The following RSF1 variants were observed in gnomAD, a reference collection of about 807,000 sequenced individuals.
RSF1 encodes HBV pX-associated protein 8.
A neutral mutation model predicts 145.2 loss-of-function variants in RSF1; 13 were observed. The observed-to-expected ratio is 0.09, with a 90% CI of 0.06 to 0.14. RSF1 has a LOEUF of 0.14. Among genes scored for constraint, RSF1 ranks in the 10% least tolerant of loss-of-function variants. RSF1 has a pLI of 1.00. For synonymous variants in RSF1, 577 were observed against 592.6 expected (o/e 0.97, Z 0.38); for missense variants, 1,517 against 1,718.2 (o/e 0.88, Z 2.07).
Position 77,701,857 on chromosome 11 carries a change from C to T in RSF1, c.1372G>A (p.Glu458Lys), listed in dbSNP as rs1453498810. 6.2e-7 allele frequency: 1 copy of T among 1,613,982 alleles called. No individual in the cohort carries two copies. Among genetic ancestry groups the T allele is most frequent in the African/African-American group, 1.3e-5 (1 of 74,928 alleles). ...TCATAAAACTTTGTCTCTATTGGTT[C>T]TGTCTTAAAATTTGGAGCTACCCTT... is the stretch of plus-strand genomic sequence containing the variant. ...DERVAPNFKTEPIETKFYETK... is the reference protein window; with the variant it reads ...DERVAPNFKTKPIETKFYETK... Residue 458 changes from glutamate to lysine, a missense_variant, in exon 6 of 16, where the codon GAA becomes AAA. Physicochemically the swap from Glu to Lys is moderately conservative, Grantham distance 56 (BLOSUM62 1). Coordinates refer to ENST00000308488, the MANE Select transcript of RSF1 (RefSeq NM_016578.4).
chr11:77,834,054 G>A, the RSF1 span, among the ~76,000 whole-genome samples: 1 of 152,192 alleles, frequency 6.6e-6, no homozygotes, highest in Non-Finnish European at 1.5e-5. Flanking sequence ...GTTGTCAACA[G>A]CAGAAAAAGT....
chr11:77,864,413 C>A, the RSF1 span, among the ~76,000 whole-genome samples: 1 of 151,742 alleles, frequency 6.6e-6, no homozygotes. Context: ...GCACTCCAGC[C>A]TGGGCAACAG....
intron 11 of RSF1, 40 bp from the exon 12 acceptor site, chr11:77,678,193 CTTTT>C (rs5792773): frequency 4.2e-3 from 2,549 of 611,998 alleles, no homozygotes; most frequent in Non-Finnish European, 4.6e-3. Context: ...CCTGTCCTGG[CTTTT>C]TTTTTTTTTT....
chr11:77,820,473 A>G, intron 1 of RSF1, 55 bp downstream of exon 1: 3 of 1,510,192 alleles, frequency 2.0e-6, no homozygotes, highest in Non-Finnish European at 2.7e-6. Context: ...TGAAGAGCGG[A>G]GAGTAGCAGA....
Position 77,708,343 on chromosome 11 carries a change from C to T in RSF1, c.734-5848G>A, listed in dbSNP as rs749389259. On this transcript the variant is annotated intron_variant, in intron 5 of 15. Coordinates refer to ENST00000308488, the MANE Select transcript of RSF1 (RefSeq NM_016578.4). ...ATACTAGAGGCTGAGGTGGGAGGCT[C>T]GCCTGAGCCCAGGGAAGCTGAGCCT... Among the ~76,000 whole-genome samples the T allele has an allele frequency of 5.9e-5, 9 of 152,228 alleles. No individual in the cohort carries two copies. The East Asian group carries it at 9.7e-4, about 16-fold the overall frequency.
intron 1 of RSF1, among the ~76,000 whole-genome samples, chr11:77,788,182 G>A (rs1948479329): frequency 6.0e-5 from 4 of 66,398 alleles, no homozygotes; most frequent in African/African-American, 8.7e-5. Context: ...AAAAAATTAG[G>A]GGTAAAAAAA....
chr11:77,673,619 A>G (rs1959613604), intron 14 of RSF1, among the ~76,000 whole-genome samples: 1 of 152,222 alleles, frequency 6.6e-6, no homozygotes, highest in African/African-American at 2.4e-5. Flanking sequence ...ACAACAATAA[A>G]TAAATATAAC....
intron 1 of RSF1, among the ~76,000 whole-genome samples, chr11:77,798,504 C>T (rs770016660): frequency 4.7e-4 from 63 of 134,786 alleles, no homozygotes; most frequent in Non-Finnish European, 7.6e-4. Context: ...TTGCTTGAAC[C>T]TGGGAGGTGG....
chr11:77,750,048 T>G (rs1677041483), intron 2 of RSF1, among the ~76,000 whole-genome samples: 1 of 152,034 alleles, frequency 6.6e-6, no homozygotes, highest in Non-Finnish European at 1.5e-5. Flanking sequence ...GCCCGGCCCA[T>G]TTTGTATTTC....
At chr11:77,868,302 G>A in the RSF1 span, among the ~76,000 whole-genome samples, 32 of 149,990 alleles carry the variant, frequency 2.1e-4, no homozygotes, top group Admixed American at 1.5e-3. Context: ...TGATCCACCC[G>A]CCTCAGCCTC....
chr11:77,832,983 G>A, the RSF1 span, among the ~76,000 whole-genome samples: 3 of 38,584 alleles, frequency 7.8e-5, no homozygotes, highest in Admixed American at 2.5e-4. Context: ...GTGTGTGTGT[G>A]TGTGTGTGTG....
intron 2 of RSF1, among the ~76,000 whole-genome samples, chr11:77,756,946 G>A (rs1020476625): frequency 2.6e-5 from 4 of 152,188 alleles, no homozygotes; most frequent in African/African-American, 9.7e-5. Context: ...GGGAAAAGCA[G>A]TCAGTGAGTT....
chr11:77,772,572 A>G (rs1948297152), intron 1 of RSF1, among the ~76,000 whole-genome samples: 1 of 152,174 alleles, frequency 6.6e-6, no homozygotes, highest in Non-Finnish European at 1.5e-5. Context: ...TGTTATATGT[A>G]TATTACAAAA....
chr11:77,737,618 G>GT (rs1407467594), intron 4 of RSF1, among the ~76,000 whole-genome samples: 5 of 113,020 alleles, frequency 4.4e-5, no homozygotes, highest in East Asian at 2.5e-4. Context: ...ATGTGTTTTG[G>GT]GGGGTGTGTG....
chr11:77,793,583 T>C (rs1448111110), intron 1 of RSF1, among the ~76,000 whole-genome samples: 1 of 152,204 alleles, frequency 6.6e-6, no homozygotes. Context: ...GGTGGAAAGA[T>C]ATTCCACACA....
At chr11:77,860,650 AATAG>A in the RSF1 span, among the ~76,000 whole-genome samples, 11 of 152,340 alleles carry the variant, frequency 7.2e-5, no homozygotes, top group East Asian at 1.9e-3. Flanking sequence ...TGCCTGGCCA[AATAG>A]ATGGGGGCTG....
chr11:77,734,310 G>T (rs79346535), intron 4 of RSF1, among the ~76,000 whole-genome samples: 160 of 97,052 alleles, frequency 1.6e-3, no homozygotes, highest in African/African-American at 8.3e-3. Flanking sequence ...ACTTTTTTTG[G>T]GGGGGGGTAC....
At chr11:77,820,132 G>A (rs1032191275) in intron 1 of RSF1, among the ~76,000 whole-genome samples, 1 of 152,186 alleles carries the variant, frequency 6.6e-6, no homozygotes, top group South Asian at 2.1e-4. Flanking sequence ...GTGGGGAGGA[G>A]GAGAAAAGCG....
chr11:77,787,589 T>C (rs886197832), intron 1 of RSF1, among the ~76,000 whole-genome samples: 1 of 151,876 alleles, frequency 6.6e-6, no homozygotes, highest in African/African-American at 2.4e-5. Flanking sequence ...TACAGAAAAA[T>C]AGGTCTTGCC....
Sources: gnomAD v4.1 joint callset for allele counts (sites outside exome capture counted in the v4.1 genomes callset) on GRCh38, gnomAD v4.1.1 for gene constraint, MANE v1.5 for transcripts, NCBI Gene and HGNC (gene_info 2026-07-23, HGNC 2026-07-21) for gene names.